GAS2: variants seen among roughly 807,000 people sequenced by gnomAD.
GAS2 encodes growth arrest specific 2.
Under a neutral mutation model 37.5 loss-of-function variants are expected in GAS2, and 20 were observed. The ratio of observed to expected loss-of-function variants is 0.53; its 90% CI spans 0.37 to 0.77. The LOEUF is 0.77. Ranked by LOEUF, GAS2 falls within the 30% of genes least tolerant of loss-of-function variation. The probability of loss-of-function intolerance (pLI) is 0.00; values close to 1 mark genes in which losing one functional copy is unlikely to be tolerated. For missense variants in GAS2, 336 were observed against 373.4 expected (o/e 0.90, Z 0.82); for synonymous variants, 144 against 132.2 (o/e 1.09, Z -0.61).
chr11:22,785,678 G>GT (rs1174340278), intron 7 of GAS2, among the ~76,000 whole-genome samples: 1 of 151,938 alleles, frequency 6.6e-6, no homozygotes, highest in Non-Finnish European at 1.5e-5. Context: ...TCAGCACTTG[G>GT]TTTTTTGCTC....
At chr11:22,758,161 C>G (rs1203108616) in intron 7 of GAS2, among the ~76,000 whole-genome samples, 1 of 152,116 alleles carries the variant, frequency 6.6e-6, no homozygotes, top group African/African-American at 2.4e-5. Flanking sequence ...TTCAAATGAT[C>G]ATATGGTTGT....
chr11:22,655,528 G>A (rs1480054328), intron 1 of GAS2, among the ~76,000 whole-genome samples: 1 of 152,150 alleles, frequency 6.6e-6, no homozygotes, highest in East Asian at 1.9e-4. Context: ...CCAAGTATTT[G>A]AAAAACAGAA....
chr11:22,752,962 G>A (rs1454337489), intron 6 of GAS2, among the ~76,000 whole-genome samples: 1 of 152,090 alleles, frequency 6.6e-6, no homozygotes, highest in Non-Finnish European at 1.5e-5. Flanking sequence ...TCCTGATAGA[G>A]TGATTCAGCT....
intron 4 of GAS2, among the ~76,000 whole-genome samples, chr11:22,736,995 T>C (rs1852790777): frequency 6.6e-6 from 1 of 152,206 alleles, no homozygotes; most frequent in Non-Finnish European, 1.5e-5. Flanking sequence ...GCAAATGCAC[T>C]AATTAATCAC....
intron 1 of GAS2, among the ~76,000 whole-genome samples, chr11:22,630,599 A>G (rs1198009694): frequency 6.6e-6 from 1 of 152,194 alleles, no homozygotes; most frequent in Non-Finnish European, 1.5e-5. Context: ...TCCCCACACC[A>G]TTAAATAAGG....
chr11:22,763,740 A>G (rs533207132), intron 7 of GAS2, among the ~76,000 whole-genome samples: 11 of 152,102 alleles, frequency 7.2e-5, no homozygotes, highest in Non-Finnish European at 1.6e-4. Context: ...TTCTAGGGGG[A>G]AAATATGGCC....
chr11:22,676,894 A>G (rs1489255364), intron 2 of GAS2, among the ~76,000 whole-genome samples: 1 of 152,148 alleles, frequency 6.6e-6, no homozygotes, highest in Non-Finnish European at 1.5e-5. Context: ...CTGTAAAATA[A>G]ATACCATAAT....
chr11:22,638,702 A>G (rs1361015012), intron 1 of GAS2, among the ~76,000 whole-genome samples: 1 of 152,190 alleles, frequency 6.6e-6, no homozygotes, highest in Non-Finnish European at 1.5e-5. Context: ...TGATGGACCA[A>G]TGAAAACAAG....
At chr11:22,807,446 G>T (rs1856954061) in intron 7 of GAS2, among the ~76,000 whole-genome samples, 1 of 152,126 alleles carries the variant, frequency 6.6e-6, no homozygotes, top group African/African-American at 2.4e-5. Flanking sequence ...CTAATTTTGT[G>T]GAACATGTTT....
intron 3 of GAS2, among the ~76,000 whole-genome samples, chr11:22,700,685 A>T (rs937971353): frequency 6.6e-6 from 1 of 152,200 alleles, no homozygotes; most frequent in African/African-American, 2.4e-5. Flanking sequence ...GATAAAAATG[A>T]GCATATTTAT....
At chr11:22,643,892 C>G (rs148562246) in intron 1 of GAS2, among the ~76,000 whole-genome samples, 14 of 152,052 alleles carry the variant, frequency 9.2e-5, no homozygotes, top group Non-Finnish European at 1.6e-4. Context: ...GTCTGTTGTT[C>G]CCATTTTCAA....
chr11:22,764,044 T>C (rs1319477520), intron 7 of GAS2, among the ~76,000 whole-genome samples: 1 of 152,218 alleles, frequency 6.6e-6, no homozygotes, highest in Non-Finnish European at 1.5e-5. Context: ...TTTGCAGATA[T>C]TGATAAATAC....
At position 22,682,676 on chromosome 11, in the gene GAS2, G is replaced by C. The variant is rs1282018186; in HGVS notation, c.146-2992G>C. Among the ~76,000 whole-genome samples, 7 of 151,692 alleles carry C rather than the reference G, an allele frequency of 4.6e-5. No homozygotes were observed. In the East Asian group the frequency reaches 1.4e-3, roughly 29 times the overall value. On this transcript the variant is annotated intron_variant, in intron 2 of 7. Coordinates refer to ENST00000454584, the MANE Select transcript of GAS2 (RefSeq NM_001143830.3). ...GGGCAGATCACTAGGTCAACAGATCGAGACCATCCAGGCCAACATGGTGAA... is the reference window on the plus strand; with the variant it reads ...GGGCAGATCACTAGGTCAACAGATCCAGACCATCCAGGCCAACATGGTGAA...
At chr11:22,758,937 A>G (rs945829309) in intron 7 of GAS2, among the ~76,000 whole-genome samples, 9 of 151,164 alleles carry the variant, frequency 6.0e-5, no homozygotes, top group South Asian at 2.1e-4. Context: ...AGAGAAAGTC[A>G]TAGATACAAG....
chr11:22,812,725 T>C lies in GAS2; in HGVS notation c.*709T>C, dbSNP rs999955274. 7.2e-5 allele frequency: 11 copies of C among 152,600 alleles called. No homozygotes were observed. The highest frequency in any genetic ancestry group is 6.6e-4 in the Admixed American group (10 of 15,266). The allele number at this position is 152,600 out of a possible 1,614,324, so 9.5% of individuals were successfully genotyped here. ...GTTTAGAATGATCTAGTGTAATTCA[T>C]ACATGAGCTGACATACGTTGATACT... On this transcript the variant is annotated 3_prime_UTR_variant, in exon 8 of 8. Coordinates refer to ENST00000454584, the MANE Select transcript of GAS2 (RefSeq NM_001143830.3).
intron 7 of GAS2, among the ~76,000 whole-genome samples, chr11:22,763,415 A>C (rs1412860827): frequency 1.3e-5 from 2 of 152,104 alleles, no homozygotes; most frequent in Non-Finnish European, 1.5e-5. Context: ...GCACATACTG[A>C]TTTACTGTGA....
chr11:22,652,993 G>GTCTTTCTTTCTTTTTTTCTTTCTTTCTT (rs1554965875), intron 1 of GAS2, among the ~76,000 whole-genome samples: 1 of 97,036 alleles, frequency 1.0e-5, no homozygotes, highest in East Asian at 2.4e-4. Flanking sequence ...TTCTTTCTTT[G>GTCTTTCTTTCTTTTTTTCTTTCTTTCTT]TCTTTCTTTC....
rs1857238579 is a variant in GAS2, at chr11:22,812,590, T to C, written c.*574T>C. The C allele has an allele frequency of 6.5e-6, 1 of 153,184 alleles. No homozygotes were observed. The highest frequency in any genetic ancestry group is 2.4e-5 in the African/African-American group (1 of 41,442). The allele number at this position is 153,184 out of a possible 1,614,324, so 9.5% of individuals were successfully genotyped here. A position where few individuals can be genotyped will look rare whatever the true frequency, so the allele number is the denominator to read the frequency against. On this transcript the variant is annotated 3_prime_UTR_variant, in exon 8 of 8. Transcript: ENST00000454584. ...ATTCACTTGGAAGGCTGCCTTAAAG[T>C]ATATCTCTTATCTATGACCAAATAT...
chr11:22,758,245 A>G (rs1854158447), intron 7 of GAS2, among the ~76,000 whole-genome samples: 1 of 152,186 alleles, frequency 6.6e-6, no homozygotes, highest in Non-Finnish European at 1.5e-5. Context: ...AAATTCTCAC[A>G]CATACTAGGT....
Sources: gnomAD v4.1 joint callset for allele counts (sites outside exome capture counted in the v4.1 genomes callset) on GRCh38, gnomAD v4.1.1 for gene constraint, MANE v1.5 for transcripts, NCBI Gene and HGNC (gene_info 2026-07-23, HGNC 2026-07-21) for gene names.